The following TBC1D22A variants were observed in gnomAD, a reference collection of about 807,000 sequenced individuals.
TBC1D22A encodes the protein putative GTPase activator.
A neutral mutation model predicts 60.2 loss-of-function variants in TBC1D22A; 38 were observed. That is an observed-to-expected ratio of 0.63 (90% CI 0.49 to 0.83). TBC1D22A has a LOEUF of 0.83. TBC1D22A is among the 40% of genes least tolerant of loss of function. TBC1D22A has a pLI of 0.00. For synonymous variants in TBC1D22A, 302 were observed against 281.7 expected, an observed-to-expected ratio of 1.07 and a Z score of -0.72; for missense variants, 628 against 701.0, an observed-to-expected ratio of 0.90 and a Z score of 1.18.
chr22:47,147,956 C>G (rs1481620761), intron 12 of TBC1D22A, among the ~76,000 whole-genome samples: 1 of 152,170 alleles, frequency 6.6e-6, no homozygotes, highest in Non-Finnish European at 1.5e-5. Context: ...CTGTGCTGCT[C>G]CTGGGAGGGC....
chr22:47,093,309 G>A (rs2065050316), intron 11 of TBC1D22A, among the ~76,000 whole-genome samples: 1 of 152,156 alleles, frequency 6.6e-6, no homozygotes, highest in Non-Finnish European at 1.5e-5. Context: ...TGGTGACCTT[G>A]GATCTCTCCT....
chr22:47,122,332 A>G (rs2066300139), intron 12 of TBC1D22A, among the ~76,000 whole-genome samples: 1 of 152,212 alleles, frequency 6.6e-6, no homozygotes, highest in South Asian at 2.1e-4. Context: ...TGTAGATGAC[A>G]TAAGGGCCAC....
chr22:46,999,674 T>C (rs1295257846), intron 10 of TBC1D22A, among the ~76,000 whole-genome samples: 2 of 152,266 alleles, frequency 1.3e-5, no homozygotes, highest in Non-Finnish European at 2.9e-5. Flanking sequence ...GCAGGGATTG[T>C]AAAGATTTTA....
chr22:47,003,854 T>C (rs1276963005), intron 10 of TBC1D22A, among the ~76,000 whole-genome samples: 3 of 125,840 alleles, frequency 2.4e-5, no homozygotes, highest in Non-Finnish European at 5.0e-5. Context: ...CACACATGCC[T>C]GTATACACAC....
At chr22:46,784,059 T>A (rs2084055373) in intron 1 of TBC1D22A, among the ~76,000 whole-genome samples, 1 of 152,242 alleles carries the variant, frequency 6.6e-6, no homozygotes, top group Admixed American at 6.5e-5. Context: ...ATATCCTTTT[T>A]TTTGTATACA....
chr22:46,909,661 C>T (rs924457993), intron 7 of TBC1D22A, among the ~76,000 whole-genome samples: 7 of 152,102 alleles, frequency 4.6e-5, no homozygotes, highest in African/African-American at 1.7e-4. Flanking sequence ...TGCTGCTGCT[C>T]CTGTTCTTGT....
intron 11 of TBC1D22A, among the ~76,000 whole-genome samples, chr22:47,046,981 C>G (rs1358305189): frequency 6.6e-6 from 1 of 152,224 alleles, no homozygotes; most frequent in East Asian, 1.9e-4. Flanking sequence ...TTTTGGTAAG[C>G]TTTCAGATGA....
chr22:46,975,322 C>T (rs4438), intron 9 of TBC1D22A, among the ~76,000 whole-genome samples: 31,754 of 151,960 alleles, frequency 0.21, 3,948 homozygotes, highest in East Asian at 0.27. Flanking sequence ...ACCCCAAAGA[C>T]CCAAAGGTGG....
chr22:46,851,622 C>T (rs748686666), intron 4 of TBC1D22A, among the ~76,000 whole-genome samples: 3 of 152,252 alleles, frequency 2.0e-5, no homozygotes, highest in Non-Finnish European at 4.4e-5. Flanking sequence ...GTCCTGGGAG[C>T]TCTCCTCTGT....
chr22:47,173,308 C>T (rs1569483056), intron 12 of TBC1D22A, among the ~76,000 whole-genome samples, 190 bp from the exon 13 acceptor site: 1 of 152,158 alleles, frequency 6.6e-6, no homozygotes. Context: ...GGGTCACCCA[C>T]CCTCCACTGT....
chr22:46,825,430 C>T (rs1043721995), intron 4 of TBC1D22A, among the ~76,000 whole-genome samples: 5 of 152,200 alleles, frequency 3.3e-5, no homozygotes, highest in Non-Finnish European at 5.9e-5. Context: ...TCTCTCCCTT[C>T]ATATGAATTA....
chr22:47,030,229 G>A (rs569635850), intron 10 of TBC1D22A, among the ~76,000 whole-genome samples: 10 of 152,288 alleles, frequency 6.6e-5, no homozygotes, highest in Non-Finnish European at 1.3e-4. Context: ...GTCTGTTCTC[G>A]GCTTTGTGCG....
At chr22:46,808,795 C>T (rs752343909) in intron 4 of TBC1D22A, among the ~76,000 whole-genome samples, 31 of 152,170 alleles carry the variant, frequency 2.0e-4, no homozygotes, top group Non-Finnish European at 2.8e-4. Flanking sequence ...GGGGTTTCAC[C>T]GTGTTAGCCA....
At chr22:47,166,346 CAAAG>C (rs953256963) in intron 12 of TBC1D22A, among the ~76,000 whole-genome samples, 39 of 152,278 alleles carry the variant, frequency 2.6e-4, no homozygotes, top group African/African-American at 8.7e-4. Flanking sequence ...AACGTGAAAA[CAAAG>C]AAAGAGGCAG....
At chr22:46,884,476 T>A (rs1001615212) in intron 5 of TBC1D22A, among the ~76,000 whole-genome samples, 3 of 152,078 alleles carry the variant, frequency 2.0e-5, no homozygotes, top group Admixed American at 2.0e-4. Flanking sequence ...TGCCGTGGGC[T>A]CCTCCCACAG....
chr22:47,136,596 G>C (rs989259633), intron 12 of TBC1D22A, among the ~76,000 whole-genome samples: 2 of 73,508 alleles, frequency 2.7e-5, no homozygotes, highest in Non-Finnish European at 6.3e-5. Flanking sequence ...CAGTTCCTTG[G>C]AGCCAACCCT....
intron 4 of TBC1D22A, among the ~76,000 whole-genome samples, chr22:46,861,563 G>A (rs2087888004): frequency 6.6e-6 from 1 of 152,202 alleles, no homozygotes; most frequent in Admixed American, 6.5e-5. Flanking sequence ...ATTTGTCTCT[G>A]AGGACATTGC....
intron 12 of TBC1D22A, among the ~76,000 whole-genome samples, chr22:47,143,173 A>G (rs2067170660): frequency 6.6e-6 from 1 of 152,078 alleles, no homozygotes; most frequent in Non-Finnish European, 1.5e-5. Flanking sequence ...AAGGGGAATC[A>G]TCCAGGTGGA....
chr22:47,159,019 TAC>T (rs3085388), intron 12 of TBC1D22A, among the ~76,000 whole-genome samples: 27,026 of 136,834 alleles, frequency 0.2, 3,046 homozygotes, highest in African/African-American at 0.34. Context: ...TCACCATATA[TAC>T]ACACACACAC....
Sources: allele counts gnomAD v4.1 joint callset (sites outside exome capture counted in the v4.1 genomes callset), GRCh38; gene constraint gnomAD v4.1.1; transcripts MANE v1.5; gene names NCBI Gene and HGNC (gene_info 2026-07-23, HGNC 2026-07-21).